BLTP1: variants seen among roughly 807,000 people sequenced by gnomAD.
The protein encoded by BLTP1 is bridge-like lipid transfer protein family member 1.
At chr4:122,166,168 T>C in the BLTP1 span, among the ~76,000 whole-genome samples, 1 of 152,164 alleles carries the variant, frequency 6.6e-6, no homozygotes, top group Non-Finnish European at 1.5e-5. Flanking sequence ...TCCTGAATGG[T>C]ATTGCCTAGG....
At chr4:122,224,425 G>A in the BLTP1 span, 2 of 1,479,576 alleles carry the variant, frequency 1.4e-6, no homozygotes, top group Non-Finnish European at 1.8e-6. Flanking sequence ...TGCAGGGGGT[G>A]TGGGGGGAAA....
At chr4:122,180,154 G>A in the BLTP1 span, 26 of 985,154 alleles carry the variant, frequency 2.6e-5, no homozygotes, top group Non-Finnish European at 3.0e-5. Context: ...TAAATAAATA[G>A]TAGAAAGAAT....
chr4:122,183,086 A>C, the BLTP1 span: 1 of 917,606 alleles, frequency 1.1e-6, no homozygotes, highest in Admixed American at 6.2e-5. Context: ...TGGTAATCCC[A>C]GCACTTTGGA....
the BLTP1 span, among the ~76,000 whole-genome samples, chr4:122,241,069 A>G: frequency 1.3e-5 from 2 of 152,222 alleles, no homozygotes; most frequent in African/African-American, 2.4e-5. Context: ...AGAAGAGTCT[A>G]TGATGATAAC....
At chr4:122,350,600 AAG>A in the BLTP1 span, among the ~76,000 whole-genome samples, 1 of 152,208 alleles carries the variant, frequency 6.6e-6, no homozygotes, top group Admixed American at 6.6e-5. Context: ...TAATTTCAGT[AAG>A]AGAGAAGTGC....
the BLTP1 span, among the ~76,000 whole-genome samples, chr4:122,221,387 T>C: frequency 1.3e-5 from 2 of 152,202 alleles, no homozygotes; most frequent in African/African-American, 4.8e-5. Flanking sequence ...AGAATGTGTG[T>C]TTCTGGTTTT....
the BLTP1 span, chr4:122,325,655 T>C: frequency 2.8e-6 from 3 of 1,068,546 alleles, no homozygotes; most frequent in East Asian, 6.0e-5. Flanking sequence ...ACGTGGAATA[T>C]TGATACTCAT....
chr4:122,211,072 C>G, the BLTP1 span: 1 of 1,612,326 alleles, frequency 6.2e-7, no homozygotes, highest in Non-Finnish European at 8.5e-7. Context: ...TGGACCTCTA[C>G]TAAATGCCTT....
At chr4:122,245,896 A>ATT in the BLTP1 span, among the ~76,000 whole-genome samples, 1 of 152,090 alleles carries the variant, frequency 6.6e-6, no homozygotes, top group Admixed American at 6.6e-5. Context: ...AATGCCTGTA[A>ATT]TTACTGTACC....
At chr4:122,320,238 T>C in the BLTP1 span, among the ~76,000 whole-genome samples, 1 of 151,940 alleles carries the variant, frequency 6.6e-6, no homozygotes, top group Non-Finnish European at 1.5e-5. Flanking sequence ...AACCTCAAAT[T>C]CCTGGGCTCA....
the BLTP1 span, chr4:122,273,576 C>A: frequency 2.8e-6 from 1 of 357,078 alleles, no homozygotes; most frequent in Non-Finnish European, 3.9e-6. Context: ...GAGAAATGGA[C>A]ATTTTCATTC....
At chr4:122,298,853 A>T in the BLTP1 span, 1 of 984,970 alleles carries the variant, frequency 1.0e-6, no homozygotes, top group South Asian at 4.7e-5. Flanking sequence ...AGAAACTGGG[A>T]CTGAAAGACA....
chr4:122,207,296 T>C, the BLTP1 span: 1 of 1,562,954 alleles, frequency 6.4e-7, no homozygotes, highest in African/African-American at 1.4e-5. Flanking sequence ...AGGTTAAATA[T>C]TTCTCTCATT....
At chr4:122,167,797 C>T in the BLTP1 span, 4 of 985,438 alleles carry the variant, frequency 4.1e-6, no homozygotes, top group Non-Finnish European at 4.8e-6. Context: ...TCCCCATGTG[C>T]AGACGCATGC....
the BLTP1 span, chr4:122,274,263 A>T: frequency 2.4e-6 from 2 of 849,750 alleles, no homozygotes; most frequent in Non-Finnish European, 3.7e-6. Flanking sequence ...TGAATATATT[A>T]TGAATAAAAT....
At chr4:122,186,460 A>G in the BLTP1 span, among the ~76,000 whole-genome samples, 1 of 152,054 alleles carries the variant, frequency 6.6e-6, no homozygotes, top group African/African-American at 2.4e-5. Flanking sequence ...CTCCGTATTA[A>G]TAACTAATGT....
At chr4:122,349,069 ATC>A in the BLTP1 span, 2 of 1,098,186 alleles carry the variant, frequency 1.8e-6, no homozygotes, top group Non-Finnish European at 2.5e-6. This position sits in a 1 kb window ranked among gnomAD's most constrained non-coding sequence, Gnocchi z 4.5. Flanking sequence ...CTTTTAAATA[ATC>A]TGATTTAACT....
the BLTP1 span, chr4:122,172,212 A>G: frequency 1.9e-6 from 1 of 519,342 alleles, no homozygotes. Flanking sequence ...ATAATACATA[A>G]TTGTTTAAAA....
the BLTP1 span, chr4:122,360,152 C>T: frequency 1.6e-6 from 1 of 606,252 alleles, no homozygotes; most frequent in African/African-American, 2.0e-5. Flanking sequence ...TATGTCATAA[C>T]ACTGTAATAA....
Sources: allele counts gnomAD v4.1 joint callset (sites outside exome capture counted in the v4.1 genomes callset), GRCh38; gene constraint gnomAD v4.1.1; non-coding constraint Gnocchi (gnomAD v3.1); transcripts MANE v1.5; gene names NCBI Gene and HGNC (gene_info 2026-07-23, HGNC 2026-07-21).